Variants in MTAP observed in about 807,000 individuals in gnomAD.
The protein encoded by MTAP is methylthioadenosine phosphorylase.
MTAP carries 33 observed loss-of-function variants against 33.6 expected under a neutral mutation model. That is an observed-to-expected ratio of 0.98 (90% CI 0.74 to 1.31). The LOEUF is 1.31. Ranked by LOEUF, MTAP falls within the 40% of genes most tolerant of loss-of-function variation. The pLI is 0.00. For synonymous variants in MTAP, 148 were observed against 125.7 expected, an observed-to-expected ratio of 1.18 and a Z score of -1.19; for missense variants, 367 against 360.0, an observed-to-expected ratio of 1.02 and a Z score of -0.16.
Position 21,863,720 on chromosome 9 carries a change from A to T in MTAP, c.*1706A>T, listed in dbSNP as rs993862276. On this transcript the variant is annotated 3_prime_UTR_variant, in exon 8 of 8. Transcript: ENST00000644715. ...AATTGTTTTCTTTTCACTGTAGGCT[A>T]TTACAGGATACTTCAGGATCAAGAT... 1 of 985,668 alleles carries T rather than the reference A, an allele frequency of 1.0e-6. No homozygotes were observed. The highest frequency in any genetic ancestry group is 1.7e-5 in the African/African-American group (1 of 57,208). 61.1% of individuals were successfully genotyped at this position (985,668 alleles called of 1,614,324 possible). A position where few individuals can be genotyped will look rare whatever the true frequency, so the allele number is the denominator to read the frequency against.
intron 1 of MTAP, chr9:21,811,800 A>T: frequency 1.9e-6 from 1 of 522,508 alleles, no homozygotes; most frequent in East Asian, 5.5e-5. Flanking sequence ...ATACCTGTGA[A>T]CTGCTCTGAG....
chr9:21,891,138 A>G (rs914954712), intron 1 of MTAP, among the ~76,000 whole-genome samples: 5 of 152,160 alleles, frequency 3.3e-5, no homozygotes, highest in African/African-American at 9.7e-5. Flanking sequence ...AAAATTCCCA[A>G]CCAAAAGGCA....
downstream of MTAP, chr9:21,932,596 G>C (rs1004644510): frequency 1.3e-5 from 2 of 151,070 alleles, no homozygotes; most frequent in Admixed American, 1.3e-4. Context: ...CATGCATAAG[G>C]ACTATTTCCC....
intron 1 of MTAP, among the ~76,000 whole-genome samples, chr9:21,883,733 G>A (rs534093666): frequency 6.6e-6 from 1 of 151,502 alleles, no homozygotes. Context: ...GTGGTCTGGA[G>A]TTTCTGAGCA....
chr9:21,820,436 A>G (rs1824603781), intron 4 of MTAP, among the ~76,000 whole-genome samples: 1 of 152,144 alleles, frequency 6.6e-6, no homozygotes, highest in Non-Finnish European at 1.5e-5. Context: ...CAGGTTTGTC[A>G]CAGATCAGAT....
intron 1 of MTAP, among the ~76,000 whole-genome samples, chr9:21,882,728 T>C (rs1407248562): frequency 6.6e-6 from 1 of 152,074 alleles, no homozygotes; most frequent in Non-Finnish European, 1.5e-5. Flanking sequence ...GATGATGTTT[T>C]AGAACAAATT....
chr9:21,824,050 G>A (rs10965150), intron 4 of MTAP, among the ~76,000 whole-genome samples: 8,505 of 152,224 alleles, frequency 0.056, 260 homozygotes, highest in Middle Eastern at 0.071. Context: ...CATTGGGTTC[G>A]AATTTCCTTC....
chr9:21,867,754 A>G (rs1825877217), downstream of MTAP, among the ~76,000 whole-genome samples: 1 of 152,152 alleles, frequency 6.6e-6, no homozygotes. Context: ...GAATTTGTTA[A>G]CCAAAAAGAT....
intron 1 of MTAP, among the ~76,000 whole-genome samples, chr9:21,918,444 G>A (rs561599606): frequency 6.6e-6 from 1 of 151,666 alleles, no homozygotes; most frequent in South Asian, 2.1e-4. Flanking sequence ...AGAATATTGG[G>A]TACAGTATAA....
chr9:21,826,752 A>C (rs1824819812), intron 4 of MTAP, among the ~76,000 whole-genome samples: 1 of 151,960 alleles, frequency 6.6e-6, no homozygotes, highest in Non-Finnish European at 1.5e-5. Flanking sequence ...AGGTAGTTGA[A>C]ATCACAAGGG....
intron 1 of MTAP, among the ~76,000 whole-genome samples, chr9:21,915,014 TCC>T: frequency 2.2e-5 from 2 of 92,436 alleles, no homozygotes; most frequent in African/African-American, 6.4e-5. Context: ...CTTCCTTCCT[TCC>T]TTCCTTCCTT....
At chr9:21,938,490 T>A (rs78214633), downstream of MTAP, among the ~76,000 whole-genome samples, 6,289 of 151,838 alleles carry the variant, frequency 0.041, 411 homozygotes, top group African/African-American at 0.14. Flanking sequence ...AAAAAGAGAA[T>A]TGCATAGGAA....
At chr9:21,913,931 C>T (rs1330536688) in intron 1 of MTAP, among the ~76,000 whole-genome samples, 1 of 152,086 alleles carries the variant, frequency 6.6e-6, no homozygotes, top group Non-Finnish European at 1.5e-5. Context: ...AACAAATTTA[C>T]AAGAAAAAAT....
chr9:21,933,403 A>C (rs930385256), downstream of MTAP: 10 of 152,328 alleles, frequency 6.6e-5, no homozygotes, highest in Non-Finnish European at 1.5e-4. Flanking sequence ...TAACCAATGG[A>C]GAAGGAGTTT....
intron 1 of MTAP, among the ~76,000 whole-genome samples, chr9:21,890,017 GT>G (rs907388694): frequency 2.0e-5 from 3 of 152,080 alleles, no homozygotes; most frequent in African/African-American, 7.2e-5. Flanking sequence ...AAGAGATTAT[GT>G]CTTTTGTCTT....
intron 4 of MTAP, among the ~76,000 whole-genome samples, chr9:21,829,150 T>C (rs952455524): frequency 1.3e-5 from 2 of 152,186 alleles, no homozygotes; most frequent in African/African-American, 2.4e-5. Flanking sequence ...GCTGATGGCA[T>C]CAGATACAAA....
At chr9:21,870,289 A>G (rs143413805), downstream of MTAP, among the ~76,000 whole-genome samples, 155 of 152,276 alleles carry the variant, frequency 1.0e-3, 1 homozygote, top group African/African-American at 3.6e-3. Context: ...TAGTATTTGT[A>G]TATATTTGTT....
intron 1 of MTAP, among the ~76,000 whole-genome samples, chr9:21,873,246 T>G (rs905959002): frequency 3.3e-5 from 5 of 152,190 alleles, no homozygotes; most frequent in Non-Finnish European, 4.4e-5. Flanking sequence ...TAGTTTGTCT[T>G]CTTGAGACTG....
chr9:21,869,081 A>G (rs1261921174), downstream of MTAP, among the ~76,000 whole-genome samples: 1 of 152,124 alleles, frequency 6.6e-6, no homozygotes, highest in Non-Finnish European at 1.5e-5. Flanking sequence ...TCTCCTTATT[A>G]TTGAATCACT....
Sources: gnomAD v4.1 joint callset for allele counts (sites outside exome capture counted in the v4.1 genomes callset) on GRCh38, gnomAD v4.1.1 for gene constraint, MANE v1.5 for transcripts, NCBI Gene and HGNC (gene_info 2026-07-23, HGNC 2026-07-21) for gene names.